BNC2: variants seen among roughly 807,000 people sequenced by gnomAD.
BNC2 encodes the protein zinc finger protein basonuclin-2.
A neutral mutation model predicts 76.3 loss-of-function variants in BNC2; 20 were observed. The ratio of observed to expected loss-of-function variants is 0.26; its 90% CI spans 0.18 to 0.38. The LOEUF is 0.38. BNC2 is among the 10% of genes least tolerant of loss of function. The pLI is 1.00. For synonymous variants in BNC2, 582 were observed against 514.8 expected, an observed-to-expected ratio of 1.13 and a Z score of -1.77; for missense variants, 1,382 against 1,399.8, an observed-to-expected ratio of 0.99 and a Z score of 0.20.
At chr9:16,487,950 A>C (rs556936136) in intron 5 of BNC2, among the ~76,000 whole-genome samples, 1 of 152,344 alleles carries the variant, frequency 6.6e-6, no homozygotes, top group East Asian at 1.9e-4. Flanking sequence ...TAAGTTTAGA[A>C]GAGAGGGCTC....
chr9:16,633,224 C>T (rs1821217475), intron 3 of BNC2, among the ~76,000 whole-genome samples: 1 of 152,176 alleles, frequency 6.6e-6, no homozygotes, highest in Admixed American at 6.5e-5. Context: ...AGAAAAAACT[C>T]TCTATTTACT....
chr9:16,485,941 A>G (rs1297675092), intron 5 of BNC2, among the ~76,000 whole-genome samples: 2 of 152,202 alleles, frequency 1.3e-5, no homozygotes, highest in Non-Finnish European at 2.9e-5. Flanking sequence ...CCAGGAGACC[A>G]TTTACAGAGA....
chr9:16,537,402 TA>T (rs960963457), intron 5 of BNC2, among the ~76,000 whole-genome samples: 6 of 151,696 alleles, frequency 4.0e-5, no homozygotes, highest in African/African-American at 9.7e-5. Context: ...ATTATTGCTG[TA>T]AAAAAAAGTG....
Position 16,463,592 on chromosome 9 carries a change from G to A in BNC2, c.670-26068C>T, listed in dbSNP as rs533678647. Among the ~76,000 whole-genome samples, 809 of 143,394 alleles carry A rather than the reference G, an allele frequency of 5.6e-3. 11 individuals are homozygous for A. The highest frequency in any genetic ancestry group is 6.5e-3 in the Non-Finnish European group (441 of 67,828). The allele number at this position is 143,394 out of a possible 152,430, so 94.1% of individuals were successfully genotyped here. On this transcript the variant is annotated intron_variant, in intron 5 of 6. Coordinates refer to ENST00000380672, the MANE Select transcript of BNC2 (RefSeq NM_017637.6). ...ACTACAGGCGTGAGCCACCGCGCCCGGCCAAATTCTTGACTAATCTATCCA... is the reference window on the plus strand; with the variant it reads ...ACTACAGGCGTGAGCCACCGCGCCCAGCCAAATTCTTGACTAATCTATCCA...
At chr9:16,695,533 T>A (rs1186040086) in intron 3 of BNC2, among the ~76,000 whole-genome samples, 1 of 87,516 alleles carries the variant, frequency 1.1e-5, no homozygotes, top group Non-Finnish European at 2.6e-5. Flanking sequence ...TTCTTTTTCT[T>A]TCTTTTTTTT....
chr9:16,541,429 A>G (rs1818317560), intron 5 of BNC2, among the ~76,000 whole-genome samples: 1 of 152,188 alleles, frequency 6.6e-6, no homozygotes, highest in African/African-American at 2.4e-5. Context: ...TGGCTACTGC[A>G]AGACAGACAT....
chr9:16,582,332 C>A (rs903114211), intron 4 of BNC2, among the ~76,000 whole-genome samples: 6 of 152,084 alleles, frequency 3.9e-5, no homozygotes, highest in African/African-American at 1.4e-4. Flanking sequence ...CGGCTCTGTG[C>A]ACCTGGCAAA....
Position 16,687,103 on chromosome 9 carries a change from AT to A in BNC2, c.330+40693del, listed in dbSNP as rs1431180548. Among the ~76,000 whole-genome samples the A allele has an allele frequency of 3.9e-5, 6 of 152,284 alleles. No homozygotes were observed. The East Asian group carries it at 9.6e-4, about 24-fold the overall frequency. On this transcript the variant is annotated intron_variant, in intron 3 of 6. Transcript: ENST00000380672. ...AAAAACTGAGGCTTAGAGTAGGTAA[AT>A]AACTAGCTCAGAGTCACATGTTATT... is the stretch of plus-strand genomic sequence containing the variant.
At chr9:16,684,872 C>T (rs1043527926) in intron 3 of BNC2, among the ~76,000 whole-genome samples, 7 of 146,346 alleles carry the variant, frequency 4.8e-5, no homozygotes, top group South Asian at 2.2e-4. Flanking sequence ...CCATACAAAA[C>T]GAACTGAATT....
chr9:16,423,077 G>C lies in BNC2; in HGVS notation c.2640-3428C>G, dbSNP rs368523594. ...CAGAGAGTGCTGGAAACAGGAGGGG[G>C]ACTCCCTGGCAGAGGAAGCCCTACT... On this transcript the variant is annotated intron_variant, in intron 6 of 6. Coordinates refer to ENST00000380672, the MANE Select transcript of BNC2 (RefSeq NM_017637.6). 7.2e-5 allele frequency among the ~76,000 whole-genome samples: 11 copies of C among 152,298 alleles called. No homozygotes were observed. In the South Asian group the frequency reaches 1.5e-3, roughly 20 times the overall value.
intron 1 of BNC2, among the ~76,000 whole-genome samples, chr9:16,818,592 G>A (rs1406275185): frequency 2.0e-5 from 3 of 152,162 alleles, no homozygotes; most frequent in East Asian, 1.9e-4. Flanking sequence ...CATTATTATG[G>A]TGATTATTAC....
chr9:16,669,424 C>G (rs1377919755), intron 3 of BNC2, among the ~76,000 whole-genome samples: 1 of 152,154 alleles, frequency 6.6e-6, no homozygotes, highest in Non-Finnish European at 1.5e-5. Flanking sequence ...AAAGTTCTAG[C>G]AGAGTAAACT....
chr9:16,790,373 ACTGT>A (rs1473947035), intron 1 of BNC2, among the ~76,000 whole-genome samples: 2 of 152,220 alleles, frequency 1.3e-5, no homozygotes, highest in Non-Finnish European at 2.9e-5. Flanking sequence ...AACAGTAAAA[ACTGT>A]CTATCAGCTA....
At chr9:16,497,723 G>A (rs1822419758) in intron 5 of BNC2, among the ~76,000 whole-genome samples, 3 of 151,928 alleles carry the variant, frequency 2.0e-5, no homozygotes, top group African/African-American at 4.8e-5. Flanking sequence ...AAGTAAAGTC[G>A]GAATTAACCA....
chr9:16,494,801 A>T (rs1323396665), intron 5 of BNC2, among the ~76,000 whole-genome samples: 1 of 151,962 alleles, frequency 6.6e-6, no homozygotes, highest in Admixed American at 6.6e-5. Context: ...GGACACAGGG[A>T]GGGGAACATC....
At chr9:16,610,950 C>G (rs1820529465) in intron 3 of BNC2, among the ~76,000 whole-genome samples, 1 of 152,144 alleles carries the variant, frequency 6.6e-6, no homozygotes, top group African/African-American at 2.4e-5. Context: ...TGTAATTACA[C>G]TGCGGTTCTT....
At chr9:16,683,726 G>A (rs1268820800) in intron 3 of BNC2, among the ~76,000 whole-genome samples, 1 of 152,228 alleles carries the variant, frequency 6.6e-6, no homozygotes, top group Non-Finnish European at 1.5e-5. Context: ...GACATAATAT[G>A]TATATGTACT....
At chr9:16,471,972 T>G (rs1315070404) in intron 5 of BNC2, among the ~76,000 whole-genome samples, 5 of 152,156 alleles carry the variant, frequency 3.3e-5, no homozygotes, top group Admixed American at 3.3e-4. Flanking sequence ...TTCTTCCTCA[T>G]TTTTTCTCTT....
intron 4 of BNC2, among the ~76,000 whole-genome samples, chr9:16,558,657 G>A (rs1395702294): frequency 6.6e-6 from 1 of 152,128 alleles, no homozygotes; most frequent in Admixed American, 6.6e-5. Context: ...AACGTCAGGT[G>A]CGGTGGCTCA....
Sources: gnomAD v4.1 joint callset for allele counts (sites outside exome capture counted in the v4.1 genomes callset) on GRCh38, gnomAD v4.1.1 for gene constraint, MANE v1.5 for transcripts, NCBI Gene and HGNC (gene_info 2026-07-23, HGNC 2026-07-21) for gene names.